ARHGEF39: variants seen among roughly 807,000 people sequenced by gnomAD.
ARHGEF39 encodes the protein Rho guanine nucleotide exchange factor (GEF) 39.
A neutral mutation model predicts 47.5 loss-of-function variants in ARHGEF39; 45 were observed. That is an observed-to-expected ratio of 0.95 (90% CI 0.75 to 1.22). The LOEUF is 1.22. ARHGEF39 is among the 50% of genes most tolerant of loss of function. The pLI, the probability that ARHGEF39 is intolerant of heterozygous loss-of-function variation, is 0.00. For missense variants in ARHGEF39, 411 were observed against 425.3 expected, an observed-to-expected ratio of 0.97 and a Z score of 0.30; for synonymous variants, 164 against 167.8, an observed-to-expected ratio of 0.98 and a Z score of 0.17.
In ARHGEF39 at chr9:35,662,522, C is replaced by T; in HGVS notation, c.893G>A (p.Gly298Glu). The T allele has an allele frequency of 1.2e-6, 2 of 1,613,260 alleles. No individual in the cohort carries two copies. The highest frequency in any genetic ancestry group is 1.7e-6 in the Non-Finnish European group (2 of 1,179,602). Residue 298 changes from glycine (G) to glutamate (E), a missense_variant, in exon 7 of 9, where the codon GGG becomes GAG. Coordinates refer to ENST00000378387, the MANE Select transcript of ARHGEF39 (RefSeq NM_032818.3). ...CCACCTATTACTTACACTGAGCAAC[C>T]CACCACAAGGGCCTCCTGAGTGGCC... ...VFGHSGGPCGGLLSLSFPHEK... is the reference protein window; with the variant it reads ...VFGHSGGPCGELLSLSFPHEK...
At position 35,660,906 on chromosome 9, in the gene ARHGEF39, G is replaced by A; in HGVS notation, c.*1081C>T. 2 of 1,614,202 alleles carry A rather than the reference G, an allele frequency of 1.2e-6. No homozygotes were observed. Among genetic ancestry groups the A allele is most frequent in the Non-Finnish European group, 1.7e-6 (2 of 1,180,042 alleles). ...TGCTGGAGGTGGAGACAAAGTCTCT[G>A]AAACTGGAACATTCCTGATCTCTCC... is the stretch of plus-strand genomic sequence containing the variant. On this transcript the variant is annotated 3_prime_UTR_variant, in exon 9 of 9. Transcript: ENST00000378387.
Position 35,661,685 on chromosome 9 carries a change from T to G in ARHGEF39, c.*302A>C, listed in dbSNP as rs1188413327. On this transcript the variant is annotated 3_prime_UTR_variant, in exon 9 of 9. Transcript: ENST00000378387. ...TTAATAAAATTTCTTAATTATTTTT[T>G]CTTAAATAGAGACAGGGTCTCACTC... is the stretch of plus-strand genomic sequence containing the variant. 1 of 420,008 alleles carries G rather than the reference T, an allele frequency of 2.4e-6. No individual in the cohort carries two copies. The highest frequency in any genetic ancestry group is 3.4e-5 in the East Asian group (1 of 29,128). 26.0% of individuals were successfully genotyped at this position (420,008 alleles called of 1,614,324 possible).
At position 35,660,937 on chromosome 9, in the gene ARHGEF39, C is replaced by CA. The variant is rs1473216303; in HGVS notation, c.*1049dup. 3 of 1,614,082 alleles carry CA rather than the reference C, an allele frequency of 1.9e-6. No individual in the cohort carries two copies. The African/African-American group carries it at 4.0e-5, about 22-fold the overall frequency. The stretch of plus-strand genomic sequence containing the variant: ...GGAACATTCCTGATCTCTCCCCACA[C>CA]AGAGGCCAGCAGACCTCTTCCTGAG... On this transcript the variant is annotated 3_prime_UTR_variant, in exon 9 of 9. Coordinates refer to ENST00000378387, the MANE Select transcript of ARHGEF39 (RefSeq NM_032818.3).
At chr9:35,663,680 T>C (rs961621999) in intron 4 of ARHGEF39, among the ~76,000 whole-genome samples, 6 of 152,114 alleles carry the variant, frequency 3.9e-5, no homozygotes, top group Admixed American at 1.3e-4. Context: ...AGCCTGACTA[T>C]AGCCCTTAAC....
Position 35,660,910 on chromosome 9 carries a change from C to T in ARHGEF39, c.*1077G>A, listed in dbSNP as rs748919859. 13 of 1,614,074 alleles carry T rather than the reference C, an allele frequency of 8.1e-6. No homozygotes were observed. In the Admixed American group the frequency reaches 1.0e-4, roughly 12 times the overall value. On this transcript the variant is annotated 3_prime_UTR_variant, in exon 9 of 9. Coordinates refer to ENST00000378387, the MANE Select transcript of ARHGEF39 (RefSeq NM_032818.3). Reference sequence around the variant, plus strand: ...GGAGGTGGAGACAAAGTCTCTGAAACTGGAACATTCCTGATCTCTCCCCAC... The same window carrying T: ...GGAGGTGGAGACAAAGTCTCTGAAATTGGAACATTCCTGATCTCTCCCCAC...
At position 35,660,362 on chromosome 9, in the gene ARHGEF39, T is replaced by C; in HGVS notation, c.*1625A>G. The C allele has an allele frequency of 2.6e-6, 4 of 1,529,908 alleles. No homozygotes were observed. The East Asian group carries it at 6.8e-5, about 26-fold the overall frequency. 94.8% of individuals were successfully genotyped at this position (1,529,908 alleles called of 1,614,324 possible). ...GAGACTGAGGTGATGGAGCAGAACC[T>C]TGTTGCTTCAGTACTGCCCTTTCCT... On this transcript the variant is annotated 3_prime_UTR_variant, in exon 9 of 9. Transcript: ENST00000378387.
In ARHGEF39 at chr9:35,664,109, A is replaced by AT; in HGVS notation, c.371dup (p.Asn124LysfsTer2). The AT allele has an allele frequency of 6.2e-7, 1 of 1,613,958 alleles. No individual in the cohort carries two copies. Among genetic ancestry groups the AT allele is most frequent in the Non-Finnish European group, 8.5e-7 (1 of 1,179,932 alleles). ...GCCGTACAAACCTCCGGAAACCTTTATTTTTCTTTAGCTGCTCCTGGAGTG... is the reference window on the plus strand; with the variant it reads ...GCCGTACAAACCTCCGGAAACCTTTATTTTTTCTTTAGCTGCTCCTGGAGTG... On this transcript the variant is annotated frameshift_variant, in exon 4 of 9. Coordinates refer to ENST00000378387, the MANE Select transcript of ARHGEF39 (RefSeq NM_032818.3). LOFTEE classifies it high-confidence loss of function.
rs1823989209 is a variant in ARHGEF39 at position 35,662,235 on chromosome 9, C to T, written c.936G>A (p.Met312Ile). The T allele has an allele frequency of 6.2e-7, 1 of 1,614,200 alleles. No individual in the cohort carries two copies. ...LSFPHEKLLLMSTDQEELSRW... is the reference protein window; with the variant it reads ...LSFPHEKLLLISTDQEELSRW... ...GTGACAGCTCCTCCTGGTCTGTGGACATAAGCAGTAGCTTCTCATGAGGGA... is the reference window on the plus strand; with the variant it reads ...GTGACAGCTCCTCCTGGTCTGTGGATATAAGCAGTAGCTTCTCATGAGGGA... The change falls in exon 8 of 9, where the codon ATG becomes ATA. Residue 312 changes from methionine (M) to isoleucine (I), a missense_variant. By Grantham distance (10) the Met-to-Ile change is conservative. Coordinates refer to ENST00000378387, the MANE Select transcript of ARHGEF39 (RefSeq NM_032818.3).
rs1203099172 is a variant in ARHGEF39 at position 35,662,939 on chromosome 9, A to G, written c.673+7T>C. ...GTTGAGGATTGAAGGGGAAGTAGGC[A>G]AGCTACCTGAGGTCAGCCCCTTTGC... On this transcript the variant is annotated splice_region_variant and intron_variant, in intron 6 of 8. Coordinates refer to ENST00000378387, the MANE Select transcript of ARHGEF39 (RefSeq NM_032818.3). 1 of 1,606,310 alleles carries G rather than the reference A, an allele frequency of 6.2e-7. No homozygotes were observed.
rs1280803690 is a variant in ARHGEF39, at chr9:35,660,094, C to T, written c.*1893G>A. ...TCCTGACCTCAGGTGATCCACCCACCTTGGCTTCCCGAAGTGCTGGGATTA... is the reference window on the plus strand; with the variant it reads ...TCCTGACCTCAGGTGATCCACCCACTTTGGCTTCCCGAAGTGCTGGGATTA... On this transcript the variant is annotated 3_prime_UTR_variant, in exon 9 of 9. Transcript: ENST00000378387. 4.4e-6 allele frequency: 1 copy of T among 228,938 alleles called. No individual in the cohort carries two copies. The highest frequency in any genetic ancestry group is 8.6e-6 in the Non-Finnish European group (1 of 115,916). The allele number at this position is 228,938 out of a possible 1,614,324, so 14.2% of individuals were successfully genotyped here.
intron 5 of ARHGEF39, 40 bp downstream of exon 5, chr9:35,663,282 G>C: frequency 6.2e-7 from 1 of 1,605,140 alleles, no homozygotes; most frequent in South Asian, 1.1e-5. Flanking sequence ...ATACAGGAGA[G>C]GAAGCCTCCA....
Position 35,662,165 on chromosome 9 carries a change from A to C in ARHGEF39, c.992+14T>G, listed in dbSNP as rs761157168. On this transcript the variant is annotated intron_variant, in intron 8 of 8. Transcript: ENST00000378387. ...CTCATCACAGCACCCTTCCTGGGGG[A>C]AGACACAACTTACCTGATAGCCCAA... is the stretch of plus-strand genomic sequence containing the variant. 6.2e-7 allele frequency: 1 copy of C among 1,612,946 alleles called. No homozygotes were observed. Among genetic ancestry groups the C allele is most frequent in the South Asian group, 1.1e-5 (1 of 91,062 alleles).
chr9:35,662,261 A>T lies in ARHGEF39; in HGVS notation c.910T>A (p.Phe304Ile), dbSNP rs1823991014. The change falls in exon 8 of 9, where the codon TTC (phenylalanine) becomes ATC (isoleucine). Residue 304 changes from phenylalanine to isoleucine, a missense_variant. Phe to Ile is a conservative substitution (Grantham distance 21). Transcript: ENST00000378387. ...ATAAGCAGTAGCTTCTCATGAGGGA[A>T]GGACAGCTAGAGAGAGACCACCTCT... ...GPCGGLLSLS[F>I]PHEKLLLMST... 6.2e-7 allele frequency: 1 copy of T among 1,613,738 alleles called. No homozygotes were observed. The highest frequency in any genetic ancestry group is 1.3e-5 in the African/African-American group (1 of 74,924).
In ARHGEF39 at chr9:35,662,269, T is replaced by TAG. The variant is rs754565633; in HGVS notation, c.904-4_904-3dup. 1 of 1,613,304 alleles carries TAG rather than the reference T, an allele frequency of 6.2e-7. No individual in the cohort carries two copies. The highest frequency in any genetic ancestry group is 8.5e-7 in the Non-Finnish European group (1 of 1,179,280). ...TAGCTTCTCATGAGGGAAGGACAGC[T>TAG]AGAGAGAGACCACCTCTTAGCGCAT... is the stretch of plus-strand genomic sequence containing the variant. On this transcript the variant is annotated splice_region_variant and splice_polypyrimidine_tract_variant and intron_variant, in intron 7 of 8. Transcript: ENST00000378387.
intron 2 of ARHGEF39, 98 bp downstream of exon 2, chr9:35,664,658 C>G: frequency 2.7e-6 from 4 of 1,479,866 alleles, no homozygotes; most frequent in East Asian, 2.3e-5. Context: ...AGCTAACTGG[C>G]GGACTCCAAA....
rs367995491 is a variant in ARHGEF39 at position 35,664,113 on chromosome 9, T to G, written c.368A>C (p.Lys123Thr). ...TACAAACCTCCGGAAACCTTTATTT[T>G]TCTTTAGCTGCTCCTGGAGTGAGGG... ...SQTTLQEQLKKNKGFRRFVRL... is the reference protein window; with the variant it reads ...SQTTLQEQLKTNKGFRRFVRL... Residue 123 changes from lysine to threonine, a missense_variant, in exon 4 of 9, where the codon AAA becomes ACA. Physicochemically the swap from Lys to Thr is moderately conservative, Grantham distance 78 (BLOSUM62 -1). Coordinates refer to ENST00000378387, the MANE Select transcript of ARHGEF39 (RefSeq NM_032818.3). 2.9e-5 allele frequency: 47 copies of G among 1,614,050 alleles called. No individual in the cohort carries two copies. The African/African-American group carries it at 4.9e-4, about 17-fold the overall frequency.
Position 35,661,873 on chromosome 9 carries a change from G to T in ARHGEF39, c.*114C>A. 7.7e-7 allele frequency: 1 copy of T among 1,302,588 alleles called. No homozygotes were observed. The highest frequency in any genetic ancestry group is 1.4e-5 in the South Asian group (1 of 69,330). 80.7% of individuals were successfully genotyped at this position (1,302,588 alleles called of 1,614,324 possible). The stretch of plus-strand genomic sequence containing the variant: ...AGCTTGGTCCAGGCAAACAGAAAGT[G>T]ACCTTTGTCAAATCATGAAGGGTTC... On this transcript the variant is annotated 3_prime_UTR_variant, in exon 9 of 9. Coordinates refer to ENST00000378387, the MANE Select transcript of ARHGEF39 (RefSeq NM_032818.3).
rs1824150778 is a variant in ARHGEF39 at position 35,664,829 on chromosome 9, C to T, written c.160G>A (p.Ala54Thr). 3.7e-6 allele frequency: 6 copies of T among 1,610,524 alleles called. No individual in the cohort carries two copies. The highest frequency in any genetic ancestry group is 3.3e-5 in the Admixed American group (2 of 60,028). The change falls in exon 2 of 9, where the codon GCC becomes ACC. Residue 54 changes from alanine (A) to threonine (T), a missense_variant. By Grantham distance (58) the Ala-to-Thr change is moderately conservative (BLOSUM62 0). Coordinates refer to ENST00000378387, the MANE Select transcript of ARHGEF39 (RefSeq NM_032818.3). ...TCAGGTGGTCGCAGGGTCCCCTTGG[C>T]TTTCAGGATCCCCAAAAAGTACTGC... is the stretch of plus-strand genomic sequence containing the variant. The part of the protein sequence containing the change: ...VATYFLGILK[A>T]KGTLRPPERQ...
At position 35,661,233 on chromosome 9, in the gene ARHGEF39, C is replaced by T; in HGVS notation, c.*754G>A. The T allele has an allele frequency of 7.1e-7, 1 of 1,402,622 alleles. No homozygotes were observed. Among genetic ancestry groups the T allele is most frequent in the South Asian group, 1.3e-5 (1 of 75,012 alleles). The allele number at this position is 1,402,622 out of a possible 1,614,324, so 86.9% of individuals were successfully genotyped here. A position where few individuals can be genotyped will look rare whatever the true frequency, so the allele number is the denominator to read the frequency against. Reference sequence around the variant, plus strand: ...TTTCGATCCTAGTTGGTTGTACACACCCATACTAGGTGCCTAAGGACAACT... The same window carrying T: ...TTTCGATCCTAGTTGGTTGTACACATCCATACTAGGTGCCTAAGGACAACT... On this transcript the variant is annotated 3_prime_UTR_variant, in exon 9 of 9. Coordinates refer to ENST00000378387, the MANE Select transcript of ARHGEF39 (RefSeq NM_032818.3).
Sources: allele counts gnomAD v4.1 joint callset (sites outside exome capture counted in the v4.1 genomes callset), GRCh38; gene constraint gnomAD v4.1.1; transcripts MANE v1.5; gene names NCBI Gene and HGNC (gene_info 2026-07-23, HGNC 2026-07-21).